TCHP: variants seen among roughly 807,000 people sequenced by gnomAD.
TCHP encodes the protein trichoplein keratin filament binding.
In TCHP, 81 loss-of-function variants were observed where a neutral mutation model predicts 88.7. The ratio of observed to expected loss-of-function variants is 0.91; its 90% CI spans 0.76 to 1.10. TCHP has a LOEUF of 1.10. Among genes scored for constraint, TCHP ranks in the 50% least tolerant of loss-of-function variants. TCHP has a pLI of 0.00. For missense variants in TCHP, 641 were observed against 632.1 expected, an observed-to-expected ratio of 1.01 and a Z score of -0.15; for synonymous variants, 232 against 232.5, an observed-to-expected ratio of 1.00 and a Z score of 0.02.
At chr12:109,906,514 C>A in intron 4 of TCHP, 58 bp from the exon 5 acceptor site, 1 of 1,541,658 alleles carries the variant, frequency 6.5e-7, no homozygotes, top group Non-Finnish European at 9.0e-7. Context: ...AGCACACTGT[C>A]CCCACAGTGC....
At chr12:109,890,762 G>A in the TCHP span, among the ~76,000 whole-genome samples, 6 of 152,074 alleles carry the variant, frequency 3.9e-5, no homozygotes, top group African/African-American at 1.4e-4. Context: ...CACCTGTCTC[G>A]GCCTCCTAAC....
chr12:109,889,057 G>T, the TCHP span, among the ~76,000 whole-genome samples: 4 of 151,386 alleles, frequency 2.6e-5, no homozygotes, highest in South Asian at 6.3e-4. Flanking sequence ...GACTGGGCAT[G>T]GTATCTCACA....
chr12:109,907,608 A>G lies in TCHP; in HGVS notation c.608A>G (p.Lys203Arg). ...CGAAGGGAGGCGCTAGAAAGGATGA[A>G]AGCTGAAGAGGAGAGGAGGCAGCTG... The part of the protein sequence containing the change: ...RARREALERM[K>R]AEEERRQLED... The change falls in exon 6 of 13, where the codon AAA (lysine) becomes AGA (arginine). Residue 203 changes from lysine to arginine, a missense_variant. Coordinates refer to ENST00000405876, the MANE Select transcript of TCHP (RefSeq NM_001143852.2). 1 of 1,614,202 alleles carries G rather than the reference A, an allele frequency of 6.2e-7. No homozygotes were observed. Among genetic ancestry groups the G allele is most frequent in the Non-Finnish European group, 8.5e-7 (1 of 1,180,026 alleles).
At chr12:109,915,264 G>T in intron 11 of TCHP, 139 bp from the exon 12 acceptor site, 1 of 1,178,324 alleles carries the variant, frequency 8.5e-7, no homozygotes, top group Non-Finnish European at 1.3e-6. Context: ...GCTCCCTTCC[G>T]TTCCTTGGCA....
At chr12:109,910,158 A>G (rs1308274838) in intron 8 of TCHP, among the ~76,000 whole-genome samples, 1 of 152,172 alleles carries the variant, frequency 6.6e-6, no homozygotes, top group African/African-American at 2.4e-5. Context: ...AAAAAAGGTC[A>G]TTATGCTTAG....
the TCHP span, among the ~76,000 whole-genome samples, chr12:109,885,105 A>C: frequency 1.3e-5 from 2 of 151,708 alleles, no homozygotes; most frequent in South Asian, 2.1e-4. Flanking sequence ...GGTAGCTGGG[A>C]TTACAGGCAC....
the TCHP span, among the ~76,000 whole-genome samples, chr12:109,881,839 T>C: frequency 6.6e-6 from 1 of 152,194 alleles, no homozygotes; most frequent in African/African-American, 2.4e-5. Flanking sequence ...ATGCCCAGCT[T>C]ATGCAAAAAT....
chr12:109,890,353 C>T, the TCHP span, among the ~76,000 whole-genome samples: 1 of 151,664 alleles, frequency 6.6e-6, no homozygotes, highest in South Asian at 2.1e-4. Flanking sequence ...TGCCTGTGGT[C>T]CCAGCTACTC....
rs781523254 is a variant in TCHP at position 109,903,998 on chromosome 12, C to T, written c.250C>T (p.Arg84Trp). The change falls in exon 3 of 13, where the codon CGG becomes TGG. Residue 84 changes from arginine to tryptophan, a missense_variant. Arg to Trp is a moderately radical substitution (Grantham distance 101). Transcript: ENST00000405876. The surrounding 1 kb of genome is among the most constrained non-coding windows in gnomAD (Gnocchi z 4.6). ...GAAGAGGAGGAGTCTGGAGGCCCGA[C>T]GGGAAAAGCTCAGGCAGCTCATGCA... The part of the protein sequence containing the change: ...EEKRRSLEAR[R>W]EKLRQLMQEE... The T allele has an allele frequency of 3.7e-5, 60 of 1,611,098 alleles. No individual in the cohort carries two copies. Among genetic ancestry groups the T allele is most frequent in the Admixed American group, 1.7e-4 (10 of 59,608 alleles).
In TCHP at chr12:109,915,321, G is replaced by T; in HGVS notation, c.1321-82G>T. ...TGGATTCTCCAGTCTGGGTAGGGCC[G>T]CAGGCTTACCTTCCTCATCAGAGGC... On this transcript the variant is annotated intron_variant, in intron 11 of 12. Coordinates refer to ENST00000405876, the MANE Select transcript of TCHP (RefSeq NM_001143852.2). 6.3e-6 allele frequency: 10 copies of T among 1,599,714 alleles called. No individual in the cohort carries two copies. The South Asian group carries it at 1.1e-4, about 18-fold the overall frequency.
At position 109,905,019 on chromosome 12, in the gene TCHP, G is replaced by T; in HGVS notation, c.456+226G>T. 1 of 545,916 alleles carries T rather than the reference G, an allele frequency of 1.8e-6. No homozygotes were observed. The highest frequency in any genetic ancestry group is 3.3e-6 in the Non-Finnish European group (1 of 307,260). The allele number at this position is 545,916 out of a possible 1,614,324, so 33.8% of individuals were successfully genotyped here. ...CTCCGCTGCCTGGTCTGCCAGGTGC[G>T]GGCATGGAGATTAGACATGGTTTCT... On this transcript the variant is annotated intron_variant, in intron 4 of 12. Transcript: ENST00000405876. This position sits in a 1 kb window ranked among gnomAD's most constrained non-coding sequence, Gnocchi z 4.0.
At position 109,907,699 on chromosome 12, in the gene TCHP, G is replaced by T; in HGVS notation, c.699G>T (p.Glu233Asp). 6.3e-7 allele frequency: 1 copy of T among 1,592,582 alleles called. No homozygotes were observed. Among genetic ancestry groups the T allele is most frequent in the Non-Finnish European group, 8.5e-7 (1 of 1,170,946 alleles). The change falls in exon 6 of 13, where the codon GAG (glutamate) becomes GAT (aspartate). Residue 233 changes from glutamate to aspartate, a missense_variant and splice_region_variant. Physicochemically the swap from Glu to Asp is conservative, Grantham distance 45 (BLOSUM62 2). Transcript: ENST00000405876. ...AGGAGCTGAAGCTGAAGGAGGTGGA[G>T]GTGGGCACAAGCCCCTCTCAGCCGT... Reference protein sequence around the residue: ...QMEELKLKEVEATKLKKEQEN... With the variant: ...QMEELKLKEVDATKLKKEQEN...
chr12:109,907,650 C>T lies in TCHP; in HGVS notation c.650C>T (p.Ala217Val). ...ERRQLEDKLQ[A>V]EALLQQMEEL... ...AGGCAGCTGGAGGACAAGCTCCAGG[C>T]CGAGGCACTGCTGCAACAGATGGAG... Residue 217 changes from alanine to valine, a missense_variant, in exon 6 of 13, where the codon GCC (alanine) becomes GTC (valine). By Grantham distance (64) the Ala-to-Val change is moderately conservative. Coordinates refer to ENST00000405876, the MANE Select transcript of TCHP (RefSeq NM_001143852.2). 6.2e-7 allele frequency: 1 copy of T among 1,613,534 alleles called. No individual in the cohort carries two copies. The highest frequency in any genetic ancestry group is 8.5e-7 in the Non-Finnish European group (1 of 1,179,830).
chr12:109,903,882 G>A lies in TCHP; in HGVS notation c.189-55G>A. ...TCTTTTACCGACACAGCAGAGCAGA[G>A]CACGTTCCCTGTGGCTGTAGCATGA... On this transcript the variant is annotated intron_variant, in intron 2 of 12. Transcript: ENST00000405876. This position sits in a 1 kb window ranked among gnomAD's most constrained non-coding sequence, Gnocchi z 4.6. The A allele has an allele frequency of 7.0e-7, 1 of 1,432,368 alleles. No individual in the cohort carries two copies. Among genetic ancestry groups the A allele is most frequent in the South Asian group, 1.2e-5 (1 of 81,940 alleles). The allele number at this position is 1,432,368 out of a possible 1,614,324, so 88.7% of individuals were successfully genotyped here. A position where few individuals can be genotyped will look rare whatever the true frequency, so the allele number is the denominator to read the frequency against.
At chr12:109,885,433 G>C in the TCHP span, among the ~76,000 whole-genome samples, 1 of 150,602 alleles carries the variant, frequency 6.6e-6, no homozygotes, top group South Asian at 2.1e-4. Context: ...TATCATAACA[G>C]ATGACACAGT....
chr12:109,886,869 C>T, the TCHP span, among the ~76,000 whole-genome samples: 156 of 151,976 alleles, frequency 1.0e-3, 1 homozygote, highest in Middle Eastern at 0.014. Flanking sequence ...CCGCCACGCC[C>T]GGCTAATTTT....
the TCHP span, among the ~76,000 whole-genome samples, chr12:109,892,530 G>T: frequency 2.0e-5 from 3 of 152,218 alleles, no homozygotes; most frequent in African/African-American, 7.2e-5. Flanking sequence ...TGATGGAACT[G>T]CTCTGATGTG....
rs1051720792 is a variant in TCHP, at chr12:109,904,218, G to T, written c.399+71G>T. 3.5e-6 allele frequency: 5 copies of T among 1,418,048 alleles called. No homozygotes were observed. The South Asian group carries it at 3.7e-5, about 11-fold the overall frequency. The allele number at this position is 1,418,048 out of a possible 1,614,324, so 87.8% of individuals were successfully genotyped here. ...CCAGCCTGAGTGTGTCGCACATGTA[G>T]GGTCATTCCTGGGTGCTCAGGTCTG... On this transcript the variant is annotated intron_variant, in intron 3 of 12. Transcript: ENST00000405876.
intron 9 of TCHP, 29 bp from the exon 10 acceptor site, chr12:109,912,962 C>T (rs1565913191): frequency 1.2e-6 from 2 of 1,603,674 alleles, no homozygotes; most frequent in Non-Finnish European, 1.7e-6. Flanking sequence ...GGGGAGGAGC[C>T]TGCTGTCATC....
Sources: allele counts gnomAD v4.1 joint callset (sites outside exome capture counted in the v4.1 genomes callset), GRCh38; gene constraint gnomAD v4.1.1; non-coding constraint Gnocchi (gnomAD v3.1); transcripts MANE v1.5; gene names NCBI Gene and HGNC (gene_info 2026-07-23, HGNC 2026-07-21).